The following NEBL variants were observed in gnomAD, a reference collection of about 807,000 sequenced individuals.
NEBL encodes the protein LIM and SH3 protein 2.
In NEBL, 122 loss-of-function variants were observed where a neutral mutation model predicts 140.2. The ratio of observed to expected loss-of-function variants is 0.87; its 90% confidence interval spans 0.75 to 1.01. NEBL has a LOEUF of 1.01. NEBL is among the 50% of genes least tolerant of loss of function. NEBL has a pLI of 0.00. For missense variants in NEBL, 1,365 were observed against 1,231.3 expected (o/e 1.11, Z -1.62); for synonymous variants, 436 against 398.9 (o/e 1.09, Z -1.11).
At chr10:21,094,499 C>CAAAAAAAA (rs72278772) in intron 2 of NEBL, among the ~76,000 whole-genome samples, 1 of 63,214 alleles carries the variant, frequency 1.6e-5, no homozygotes, top group Non-Finnish European at 2.9e-5. Context: ...GACTCCGTCT[C>CAAAAAAAA]AAAAAAAAAA....
intron 4 of NEBL, among the ~76,000 whole-genome samples, chr10:20,929,971 C>T (rs1382280795): frequency 6.6e-6 from 1 of 152,038 alleles, no homozygotes; most frequent in Admixed American, 6.6e-5. Context: ...GGTACTGGGC[C>T]ACTTCTCATT....
rs777417545 is a variant in NEBL, at chr10:20,880,753, C to G, written c.480+41G>C. On this transcript the variant is annotated intron_variant, in intron 5 of 27. Transcript: ENST00000377122. ...AAACATAAGCCCTAATATGACTTAA[C>G]TACAGTTCGCTAGAAAATCATGAGA... 5.5e-6 allele frequency: 8 copies of G among 1,444,962 alleles called. No homozygotes were observed. The Admixed American group carries it at 8.4e-5, about 15-fold the overall frequency. 89.5% of individuals were successfully genotyped at this position (1,444,962 alleles called of 1,614,324 possible).
intron 3 of NEBL, among the ~76,000 whole-genome samples, chr10:21,221,829 A>G (rs910859203): frequency 1.3e-5 from 2 of 152,080 alleles, no homozygotes; most frequent in Non-Finnish European, 2.9e-5. Flanking sequence ...AGCAAGTTAC[A>G]TCAGGGAAAT....
At chr10:20,799,233 G>A (rs989789291) in intron 26 of NEBL, among the ~76,000 whole-genome samples, 2 of 152,142 alleles carry the variant, frequency 1.3e-5, no homozygotes, top group Admixed American at 6.5e-5. Flanking sequence ...TTGGCTTACT[G>A]CAACCTCCAC....
intron 4 of NEBL, among the ~76,000 whole-genome samples, chr10:20,905,194 G>A (rs1019772730): frequency 3.9e-5 from 6 of 152,172 alleles, no homozygotes; most frequent in Admixed American, 1.3e-4. Flanking sequence ...GCACTTTTTG[G>A]AGAAAGTGTA....
chr10:21,146,408 C>A, intron 2 of NEBL: 2 of 1,604,064 alleles, frequency 1.2e-6, no homozygotes, highest in Non-Finnish European at 8.5e-7. Context: ...TAGTAAAGCA[C>A]AAACACTCTC....
chr10:21,185,115 T>C (rs752704628), intron 3 of NEBL, among the ~76,000 whole-genome samples: 19 of 152,166 alleles, frequency 1.2e-4, no homozygotes, highest in Admixed American at 8.5e-4. Context: ...TGTCTCTTGC[T>C]CCATTAGAGA....
chr10:21,031,888 C>T (rs564499561), intron 2 of NEBL, among the ~76,000 whole-genome samples: 53 of 152,272 alleles, frequency 3.5e-4, no homozygotes, highest in African/African-American at 1.2e-3. Flanking sequence ...ATTCATTGCA[C>T]ATAAAAGATT....
chr10:20,957,208 AACTC>A lies in NEBL; in HGVS notation c.357+4460_357+4463del, dbSNP rs528178246. On this transcript the variant is annotated intron_variant, in intron 4 of 6. Transcript: ENST00000417816. ...CCAATAATCTAATATTGTTGAAGCT[AACTC>A]ACAAAATCTCAGGGAACTAAATCAG... 4.9e-3 allele frequency among the ~76,000 whole-genome samples: 753 copies of A among 152,318 alleles called. 3 individuals are homozygous for A. Among genetic ancestry groups the A allele is most frequent in the African/African-American group, 0.017 (720 of 41,572 alleles).
intron 4 of NEBL, among the ~76,000 whole-genome samples, chr10:20,952,125 A>C (rs1835501997): frequency 6.6e-6 from 1 of 152,180 alleles, no homozygotes; most frequent in African/African-American, 2.4e-5. Flanking sequence ...CCTGGAAATG[A>C]AAAGTTTTAA....
chr10:21,257,883 T>TCA (rs1267867642), intron 1 of NEBL, among the ~76,000 whole-genome samples: 2 of 149,322 alleles, frequency 1.3e-5, no homozygotes, highest in African/African-American at 5.0e-5. Flanking sequence ...AGACTCCATC[T>TCA]CACACACACA....
chr10:21,052,076 T>C (rs752850361), intron 2 of NEBL, among the ~76,000 whole-genome samples: 6 of 151,948 alleles, frequency 3.9e-5, no homozygotes, highest in Non-Finnish European at 8.8e-5. Context: ...TTTAAAGATA[T>C]ATGATAAAAA....
intron 3 of NEBL, among the ~76,000 whole-genome samples, chr10:20,969,291 A>T (rs956021739): frequency 1.4e-4 from 22 of 152,000 alleles, no homozygotes; most frequent in African/African-American, 4.8e-4. Context: ...AATAAAATTA[A>T]AATTATAATT....
At chr10:21,059,405 T>G (rs1440500879) in intron 2 of NEBL, among the ~76,000 whole-genome samples, 2 of 152,242 alleles carry the variant, frequency 1.3e-5, no homozygotes, top group African/African-American at 4.8e-5. Flanking sequence ...AGGGCAAGTC[T>G]CATTCCAAAT....
At chr10:21,229,177 T>A (rs1298999933) in intron 3 of NEBL, among the ~76,000 whole-genome samples, 1 of 152,180 alleles carries the variant, frequency 6.6e-6, no homozygotes, top group African/African-American at 2.4e-5. Context: ...TCCCAGCACT[T>A]TGGGAGGCCA....
In NEBL at chr10:20,851,619, C is replaced by CAAA. The variant is rs1342689533; in HGVS notation, c.1008+923_1008+925dup. Reference sequence around the variant, plus strand: ...TGAAACCCCGTCTTTACTAAAAATACAAAAAAAAAAAAAAAATTAGCCAGG... The same window carrying CAAA: ...TGAAACCCCGTCTTTACTAAAAATACAAAAAAAAAAAAAAAAAAATTAGCCAGG... On this transcript the variant is annotated intron_variant, in intron 10 of 27. Coordinates refer to ENST00000377122, the MANE Select transcript of NEBL (RefSeq NM_006393.3). 5.0e-3 allele frequency among the ~76,000 whole-genome samples: 572 copies of CAAA among 114,492 alleles called. 10 individuals are homozygous for CAAA. In the East Asian group the frequency reaches 0.058, roughly 12 times the overall value. The allele number at this position is 114,492 out of a possible 152,430, so 75.1% of individuals were successfully genotyped here. A position where few individuals can be genotyped will look rare whatever the true frequency, so the allele number is the denominator to read the frequency against.
chr10:21,160,193 A>G (rs1284436796), intron 2 of NEBL, among the ~76,000 whole-genome samples: 1 of 152,176 alleles, frequency 6.6e-6, no homozygotes, highest in Non-Finnish European at 1.5e-5. Flanking sequence ...TATAAAGAAA[A>G]AAAAAAAACT....
chr10:21,163,077 C>T (rs1840620784), intron 2 of NEBL, among the ~76,000 whole-genome samples: 2 of 152,148 alleles, frequency 1.3e-5, no homozygotes, highest in African/African-American at 4.8e-5. Flanking sequence ...GATACTGAGG[C>T]TTAGGTTAAG....
At chr10:21,086,018 T>A (rs1431241344) in intron 2 of NEBL, among the ~76,000 whole-genome samples, 1 of 152,094 alleles carries the variant, frequency 6.6e-6, no homozygotes, top group Non-Finnish European at 1.5e-5. Flanking sequence ...ACTTCTTTGA[T>A]AAGATGTACT....
Sources: allele counts gnomAD v4.1 joint callset (sites outside exome capture counted in the v4.1 genomes callset), GRCh38; gene constraint gnomAD v4.1.1; transcripts MANE v1.5; gene names NCBI Gene and HGNC (gene_info 2026-07-23, HGNC 2026-07-21).